RBFOX1: variants seen among roughly 807,000 people sequenced by gnomAD.
RBFOX1 encodes RNA binding fox-1 homolog 1.
A neutral mutation model predicts 57.7 loss-of-function variants in RBFOX1; 8 were observed. The observed-to-expected ratio is 0.14, with a 90% CI of 0.08 to 0.25. The LOEUF (loss-of-function observed/expected upper bound fraction) is 0.25. RBFOX1 is among the 10% of genes least tolerant of loss of function. The pLI, the probability that RBFOX1 is intolerant of heterozygous loss-of-function variation, is 1.00. For missense variants in RBFOX1, 611 were observed against 548.5 expected (o/e 1.11, Z -1.14); for synonymous variants, 326 against 222.4 (o/e 1.47, Z -4.15).
chr16:5,702,338 A>C (rs937283021), intron 3 of RBFOX1, among the ~76,000 whole-genome samples: 2 of 152,198 alleles, frequency 1.3e-5, no homozygotes, highest in African/African-American at 2.4e-5. Flanking sequence ...AGATCTCGTG[A>C]GAACTCACTC....
chr16:6,835,548 T>C (rs948788153), intron 3 of RBFOX1, among the ~76,000 whole-genome samples: 1 of 151,684 alleles, frequency 6.6e-6, no homozygotes, highest in Non-Finnish European at 1.5e-5. Flanking sequence ...GGCCAGGAGT[T>C]TGAGACCAGC....
At chr16:6,137,826 C>G (rs1405499534) in intron 1 of RBFOX1, among the ~76,000 whole-genome samples, 1 of 151,966 alleles carries the variant, frequency 6.6e-6, no homozygotes, top group African/African-American at 2.4e-5. Context: ...CCAGGCTGCT[C>G]TTGAAACTCC....
chr16:7,050,856 A>G (rs1333224412), intron 3 of RBFOX1, among the ~76,000 whole-genome samples: 1 of 152,020 alleles, frequency 6.6e-6, no homozygotes, highest in Non-Finnish European at 1.5e-5. Context: ...GTGCCTCTGC[A>G]TATTTTTTTA....
intron 3 of RBFOX1, among the ~76,000 whole-genome samples, chr16:6,950,050 G>A (rs2080383402): frequency 6.6e-6 from 1 of 150,634 alleles, no homozygotes; most frequent in South Asian, 2.1e-4. Context: ...GGGTTCAAGT[G>A]ATTGTCCTGC....
intron 1 of RBFOX1, among the ~76,000 whole-genome samples, chr16:6,291,892 C>T (rs1158798035): frequency 6.6e-6 from 1 of 151,892 alleles, no homozygotes; most frequent in Non-Finnish European, 1.5e-5. Flanking sequence ...TGGTCATTTT[C>T]CTTGATTAAC....
intron 4 of RBFOX1, among the ~76,000 whole-genome samples, chr16:7,345,075 G>C (rs2096969358): frequency 6.6e-6 from 1 of 152,066 alleles, no homozygotes; most frequent in African/African-American, 2.4e-5. Context: ...GGGTCTTGTG[G>C]CTCTATTTTC....
At chr16:6,744,782 A>G (rs1410001988) in intron 3 of RBFOX1, among the ~76,000 whole-genome samples, 1 of 152,084 alleles carries the variant, frequency 6.6e-6, no homozygotes, top group Non-Finnish European at 1.5e-5. Context: ...TCTGCCTTAG[A>G]AAAATAGAAA....
intron 3 of RBFOX1, among the ~76,000 whole-genome samples, chr16:6,894,811 C>T (rs565983359): frequency 7.9e-5 from 12 of 152,238 alleles, no homozygotes; most frequent in Admixed American, 6.5e-4. Context: ...TGTATTTTAT[C>T]ATTTTAGGTA....
At chr16:6,730,380 C>G (rs1397334996) in intron 3 of RBFOX1, among the ~76,000 whole-genome samples, 9 of 141,576 alleles carry the variant, frequency 6.4e-5, no homozygotes, top group Non-Finnish European at 1.3e-4. Context: ...GAATCTCTCT[C>G]TCTCTGTCTC....
At chr16:6,099,798 C>T (rs1049373693) in intron 1 of RBFOX1, among the ~76,000 whole-genome samples, 1 of 152,174 alleles carries the variant, frequency 6.6e-6, no homozygotes, top group African/African-American at 2.4e-5. Context: ...AACCCAACTC[C>T]GGGCATCCTT....
intron 4 of RBFOX1, among the ~76,000 whole-genome samples, chr16:7,335,518 C>T (rs1040725027): frequency 3.6e-4 from 53 of 145,638 alleles, no homozygotes; most frequent in African/African-American, 1.2e-3. Context: ...GCTCCCTTTT[C>T]ATATTTTCAA....
intron 3 of RBFOX1, among the ~76,000 whole-genome samples, chr16:6,959,185 A>C (rs2082437233): frequency 6.6e-6 from 1 of 152,150 alleles, no homozygotes; most frequent in Admixed American, 6.6e-5. Context: ...TTCATCTGTG[A>C]AATACTCGCT....
chr16:5,738,548 C>T (rs8054706), intron 3 of RBFOX1, among the ~76,000 whole-genome samples: 3,932 of 143,660 alleles, frequency 0.027, 191 homozygotes, highest in African/African-American at 0.093. Context: ...ACAGGAGAAT[C>T]GCTTGAATCT....
chr16:5,946,372 G>A lies in RBFOX1; in HGVS notation c.351+79037G>A, dbSNP rs997084899. 1.3e-5 allele frequency among the ~76,000 whole-genome samples: 2 copies of A among 151,984 alleles called. No homozygotes were observed. The highest frequency in any genetic ancestry group is 6.6e-5 in the Admixed American group (1 of 15,254). On this transcript the variant is annotated intron_variant, in intron 4 of 19. Transcript: ENST00000641259. This position sits in a 1 kb window ranked among gnomAD's most constrained non-coding sequence, Gnocchi z 4.6. ...TTACTTCTCCATTCCTTTTCTTTTC[G>A]TTTGCTCATGGATGTTTATCAAACA...
chr16:6,039,847 C>A (rs1281025158), intron 1 of RBFOX1, among the ~76,000 whole-genome samples: 2 of 152,196 alleles, frequency 1.3e-5, no homozygotes, highest in Admixed American at 6.5e-5. Flanking sequence ...CGCTGTGTCA[C>A]CTGAAGGCTC....
At chr16:6,467,296 C>T (rs902705222) in intron 2 of RBFOX1, among the ~76,000 whole-genome samples, 1 of 151,500 alleles carries the variant, frequency 6.6e-6, no homozygotes, top group Non-Finnish European at 1.5e-5. Context: ...AAATTGAATT[C>T]CATTAATATG....
chr16:6,906,251 A>G (rs2069894877), intron 3 of RBFOX1, among the ~76,000 whole-genome samples: 4 of 148,190 alleles, frequency 2.7e-5, no homozygotes, highest in Non-Finnish European at 4.4e-5. Flanking sequence ...CCCCCCCCAA[A>G]ATATACATTG....
intron 1 of RBFOX1, among the ~76,000 whole-genome samples, chr16:5,243,678 C>A (rs997548701): frequency 6.6e-6 from 1 of 152,090 alleles, no homozygotes; most frequent in Non-Finnish European, 1.5e-5. Context: ...AGCCATTGGT[C>A]TACACTTGTG....
chr16:7,153,704 C>T (rs2076532472), intron 4 of RBFOX1, among the ~76,000 whole-genome samples: 2 of 132,718 alleles, frequency 1.5e-5, no homozygotes, highest in African/African-American at 2.9e-5. Flanking sequence ...GAACTCTAGC[C>T]TGGTGACAGT....
Sources: gnomAD v4.1 joint callset for allele counts (sites outside exome capture counted in the v4.1 genomes callset) on GRCh38, gnomAD v4.1.1 for gene constraint, Gnocchi (gnomAD v3.1) non-coding constraint, MANE v1.5 for transcripts, NCBI Gene and HGNC (gene_info 2026-07-23, HGNC 2026-07-21) for gene names.